Variants in GABRG3 observed in about 807,000 individuals in gnomAD.
GABRG3 encodes gamma-aminobutyric acid receptor subunit gamma-3.
A neutral mutation model predicts 48.8 loss-of-function variants in GABRG3; 25 were observed. That is an observed-to-expected ratio of 0.51 (90% CI 0.37 to 0.72). The LOEUF (loss-of-function observed/expected upper bound fraction) is 0.72, where lower values mean the gene tolerates loss of function less well. GABRG3 is among the 30% of genes least tolerant of loss of function. The pLI, the probability that GABRG3 is intolerant of heterozygous loss-of-function variation, is 0.00. For missense variants in GABRG3, 394 were observed against 577.9 expected, an observed-to-expected ratio of 0.68 and a Z score of 3.26; for synonymous variants, 227 against 217.6, an observed-to-expected ratio of 1.04 and a Z score of -0.38.
intron 3 of GABRG3, among the ~76,000 whole-genome samples, chr15:27,233,174 T>C (rs1889852997): frequency 6.6e-6 from 1 of 152,198 alleles, no homozygotes; most frequent in African/African-American, 2.4e-5. Flanking sequence ...GAAGGCCTCC[T>C]GGAGGACAGG....
At chr15:27,101,316 C>G (rs904349950) in intron 3 of GABRG3, among the ~76,000 whole-genome samples, 6 of 152,000 alleles carry the variant, frequency 3.9e-5, no homozygotes, top group African/African-American at 1.2e-4. Flanking sequence ...CAGAGAAGCC[C>G]TAAGTAAATG....
At chr15:27,347,818 T>C (rs1894425642) in intron 5 of GABRG3, among the ~76,000 whole-genome samples, 1 of 152,124 alleles carries the variant, frequency 6.6e-6, no homozygotes, top group South Asian at 2.1e-4. Context: ...AGCTTATGAC[T>C]CCTGCAGCTT....
chr15:27,443,877 G>GAT (rs1888863539), intron 5 of GABRG3, among the ~76,000 whole-genome samples: 1 of 152,134 alleles, frequency 6.6e-6, no homozygotes, highest in African/African-American at 2.4e-5. Context: ...TTTGGGAAAT[G>GAT]CTTTTACCTC....
chr15:27,307,789 T>TATAAAATAAACATAAAC (rs1892696962), intron 3 of GABRG3, among the ~76,000 whole-genome samples: 1 of 67,834 alleles, frequency 1.5e-5, no homozygotes, highest in Non-Finnish European at 3.1e-5. Flanking sequence ...TATATAAACA[T>TATAAAATAAACATAAAC]ATATATAAAA....
At chr15:27,470,526 C>T (rs1353609882) in intron 5 of GABRG3, among the ~76,000 whole-genome samples, 3 of 150,848 alleles carry the variant, frequency 2.0e-5, no homozygotes, top group Non-Finnish European at 4.4e-5. Context: ...AGGGTGTAAT[C>T]CTTTTTTTTT....
Position 27,527,424 on chromosome 15 carries a change from C to T in GABRG3, c.866-9C>T. 1 of 1,611,358 alleles carries T rather than the reference C, an allele frequency of 6.2e-7. No individual in the cohort carries two copies. Among genetic ancestry groups the T allele is most frequent in the Non-Finnish European group, 8.5e-7 (1 of 1,178,322 alleles). The stretch of plus-strand genomic sequence containing the variant: ...CCCTTTTACAACATGCTACCCGTCC[C>T]CTGTTCAGGCATCACCACGGTGCTG... On this transcript the variant is annotated splice_polypyrimidine_tract_variant and intron_variant, in intron 7 of 9. Coordinates refer to ENST00000615808, the MANE Select transcript of GABRG3 (RefSeq NM_033223.5).
chr15:27,028,724 T>G (rs1896027038), intron 3 of GABRG3, among the ~76,000 whole-genome samples: 1 of 148,760 alleles, frequency 6.7e-6, no homozygotes, highest in Non-Finnish European at 1.5e-5. Flanking sequence ...AAGAATCGCT[T>G]GAATCCAGGA....
intron 2 of GABRG3, among the ~76,000 whole-genome samples, chr15:27,020,340 CT>C (rs1835549177): frequency 2.0e-5 from 3 of 152,232 alleles, no homozygotes; most frequent in Admixed American, 2.0e-4. Context: ...CCTCTTCCCC[CT>C]CCACCTTTTT....
chr15:27,027,863 T>A (rs1010803184), intron 3 of GABRG3, among the ~76,000 whole-genome samples: 2 of 152,260 alleles, frequency 1.3e-5, no homozygotes, highest in African/African-American at 4.8e-5. Flanking sequence ...AGAGTAACCC[T>A]TTCTTATGTA....
chr15:27,387,636 G>C (rs957638419), intron 5 of GABRG3, among the ~76,000 whole-genome samples: 3 of 151,820 alleles, frequency 2.0e-5, no homozygotes, highest in Non-Finnish European at 4.4e-5. Context: ...GCAGCAAAGA[G>C]ATGGAAGCAG....
Position 27,276,512 on chromosome 15 carries a change from C to A in GABRG3, c.271-50297C>A, listed in dbSNP as rs961424283. Among the ~76,000 whole-genome samples, 7 of 151,992 alleles carry A rather than the reference C, an allele frequency of 4.6e-5. No individual in the cohort carries two copies. The East Asian group carries it at 1.2e-3, about 25-fold the overall frequency. Reference sequence around the variant, plus strand: ...GATTAAATGAGATGCTGCCAAGCACCCAGAACAGCACTTCATGCACAGTAA... The same window carrying A: ...GATTAAATGAGATGCTGCCAAGCACACAGAACAGCACTTCATGCACAGTAA... On this transcript the variant is annotated intron_variant, in intron 3 of 9. Coordinates refer to ENST00000615808, the MANE Select transcript of GABRG3 (RefSeq NM_033223.5).
chr15:27,095,965 G>C (rs150628589), intron 3 of GABRG3, among the ~76,000 whole-genome samples: 1 of 152,134 alleles, frequency 6.6e-6, no homozygotes, highest in African/African-American at 2.4e-5. Flanking sequence ...CATTTCCAGC[G>C]GTTCAGCCCA....
chr15:27,090,372 AC>A (rs1897164006), intron 3 of GABRG3, among the ~76,000 whole-genome samples: 1 of 152,180 alleles, frequency 6.6e-6, no homozygotes, highest in Admixed American at 6.5e-5. Flanking sequence ...TCCGTAGGTA[AC>A]CCCATTGTAA....
At chr15:27,145,718 A>C (rs1898198043) in intron 3 of GABRG3, among the ~76,000 whole-genome samples, 2 of 150,902 alleles carry the variant, frequency 1.3e-5, no homozygotes, top group Non-Finnish European at 1.5e-5. Flanking sequence ...AATAATGACC[A>C]AAATCTTCAA....
rs192368114 is a variant in GABRG3, at chr15:27,027,843, T to C, written c.270+1022T>C. On this transcript the variant is annotated intron_variant, in intron 3 of 9. Coordinates refer to ENST00000615808, the MANE Select transcript of GABRG3 (RefSeq NM_033223.5). ...CTTTTCCTGATACATCATTATTCAG[T>C]TGACTGCTCAGAGTAACCCTTTCTT... 3.0e-4 allele frequency among the ~76,000 whole-genome samples: 45 copies of C among 152,368 alleles called. 2 individuals are homozygous for C. The highest frequency in any genetic ancestry group is 2.8e-3 in the Admixed American group (43 of 15,304).
chr15:27,421,912 A>G (rs1242833999), intron 5 of GABRG3, among the ~76,000 whole-genome samples: 2 of 151,554 alleles, frequency 1.3e-5, no homozygotes, highest in South Asian at 2.1e-4. Context: ...TAAGATATCC[A>G]TGGGAGTGGG....
At chr15:27,309,353 A>T (rs1462588579) in intron 3 of GABRG3, among the ~76,000 whole-genome samples, 1 of 151,756 alleles carries the variant, frequency 6.6e-6, no homozygotes, top group Non-Finnish European at 1.5e-5. Context: ...TTTAAACCTT[A>T]GCAGAATTTT....
chr15:26,975,677 G>A lies in GABRG3; in HGVS notation c.54-1325G>A, dbSNP rs1396474422. ...ATTTTATTTTTTAAATTAACATCTT[G>A]TTAATTATAGATAATTTAGACAATT... On this transcript the variant is annotated intron_variant, in intron 1 of 9. Coordinates refer to ENST00000615808, the MANE Select transcript of GABRG3 (RefSeq NM_033223.5). This position sits in a 1 kb window ranked among gnomAD's most constrained non-coding sequence, Gnocchi z 4.6. Among the ~76,000 whole-genome samples the A allele has an allele frequency of 6.6e-6, 1 of 152,146 alleles. No homozygotes were observed. Among genetic ancestry groups the A allele is most frequent in the Non-Finnish European group, 1.5e-5 (1 of 68,020 alleles).
chr15:27,242,627 A>T (rs934901044), intron 3 of GABRG3, among the ~76,000 whole-genome samples: 5 of 152,236 alleles, frequency 3.3e-5, no homozygotes, highest in African/African-American at 7.2e-5. Flanking sequence ...TATCAAACCC[A>T]TGCTCAATTT....
Sources: gnomAD v4.1 joint callset for allele counts (sites outside exome capture counted in the v4.1 genomes callset) on GRCh38, gnomAD v4.1.1 for gene constraint, Gnocchi (gnomAD v3.1) non-coding constraint, MANE v1.5 for transcripts, NCBI Gene and HGNC (gene_info 2026-07-23, HGNC 2026-07-21) for gene names.